The following KSR2 variants were observed in gnomAD, a reference collection of about 807,000 sequenced individuals.
KSR2 encodes the protein kinase suppressor of ras 2.
KSR2 carries 25 observed loss-of-function variants against 107.8 expected under a neutral mutation model. That is an observed-to-expected ratio of 0.23 (90% CI 0.17 to 0.32). KSR2 has a LOEUF of 0.32. Among genes scored for constraint, KSR2 ranks in the 10% least tolerant of loss-of-function variants. KSR2 has a pLI of 1.00. For synonymous variants in KSR2, 480 were observed against 507.0 expected (o/e 0.95, Z 0.71); for missense variants, 887 against 1,268.9 (o/e 0.70, Z 4.57).
intron 4 of KSR2, among the ~76,000 whole-genome samples, chr12:117,701,495 A>G (rs578184853): frequency 2.0e-5 from 3 of 152,306 alleles, no homozygotes; most frequent in African/African-American, 7.2e-5. Context: ...ATTCTTTAGC[A>G]TCATCTCTGT....
intron 1 of KSR2, among the ~76,000 whole-genome samples, chr12:117,887,552 A>G (rs370024944): frequency 6.6e-6 from 1 of 152,298 alleles, no homozygotes. Flanking sequence ...CAGTCCTGAG[A>G]ATCCAGTGTT....
chr12:117,520,546 C>T (rs77958787), intron 14 of KSR2, among the ~76,000 whole-genome samples: 1,930 of 152,316 alleles, frequency 0.013, 37 homozygotes, highest in African/African-American at 0.044. Flanking sequence ...GGGGTGAAAG[C>T]AAGGACACTG....
intron 4 of KSR2, among the ~76,000 whole-genome samples, chr12:117,738,649 C>T (rs911245214): frequency 3.9e-5 from 6 of 151,942 alleles, no homozygotes; most frequent in African/African-American, 1.2e-4. Flanking sequence ...CTGAGGCGGG[C>T]GGATTACTTG....
intron 1 of KSR2, among the ~76,000 whole-genome samples, chr12:117,876,076 G>C (rs999293049): frequency 6.6e-6 from 1 of 152,180 alleles, no homozygotes; most frequent in African/African-American, 2.4e-5. Flanking sequence ...CTGCAGGACC[G>C]GGTCCCTGGT....
At chr12:117,710,771 A>T (rs751410212) in intron 4 of KSR2, among the ~76,000 whole-genome samples, 5 of 152,174 alleles carry the variant, frequency 3.3e-5, no homozygotes, top group Non-Finnish European at 5.9e-5. Context: ...CATGATGGTG[A>T]TATTTTTTTA....
intron 5 of KSR2, among the ~76,000 whole-genome samples, chr12:117,589,508 T>C (rs917786176): frequency 7.9e-5 from 12 of 152,174 alleles, no homozygotes; most frequent in Non-Finnish European, 1.8e-4. Context: ...CCCAGGGACA[T>C]GACAGACTGA....
Position 117,622,952 on chromosome 12 carries a change from G to C in KSR2, c.1172-40593C>G, listed in dbSNP as rs557836713. On this transcript the variant is annotated intron_variant, in intron 5 of 19. Transcript: ENST00000339824. ...CTAAAATTATAGCATATTGAGGTAG[G>C]CATGCACTCCAATGGAGGAAGTTTA... Among the ~76,000 whole-genome samples, 5 of 152,310 alleles carry C rather than the reference G, an allele frequency of 3.3e-5. No individual in the cohort carries two copies. The East Asian group carries it at 9.7e-4, about 29-fold the overall frequency.
In KSR2 at chr12:117,465,819, A is replaced by T. The variant is rs1296311149; in HGVS notation, c.*1380T>A. ...AGATTTCCCTTTTGTATCAGGTCAC[A>T]TGCAGGGGGTCAGGGCTTTGAAAAC... is the stretch of plus-strand genomic sequence containing the variant. On this transcript the variant is annotated 3_prime_UTR_variant, in exon 20 of 20. Coordinates refer to ENST00000339824, the MANE Select transcript of KSR2 (RefSeq NM_173598.6). 1 of 133,272 alleles carries T rather than the reference A, an allele frequency of 7.5e-6. No homozygotes were observed. Among genetic ancestry groups the T allele is most frequent in the Non-Finnish European group, 1.7e-5 (1 of 59,058 alleles). 8.3% of individuals were successfully genotyped at this position (133,272 alleles called of 1,614,324 possible). A position where few individuals can be genotyped will look rare whatever the true frequency, so the allele number is the denominator to read the frequency against.
intron 1 of KSR2, among the ~76,000 whole-genome samples, chr12:117,945,448 G>A (rs539421885): frequency 2.7e-4 from 41 of 152,334 alleles, no homozygotes; most frequent in African/African-American, 9.4e-4. Flanking sequence ...GCCAAGGCAG[G>A]TGGATCACCT....
At chr12:117,751,381 CA>C (rs147698553) in intron 4 of KSR2, among the ~76,000 whole-genome samples, 1,581 of 152,282 alleles carry the variant, frequency 0.01, 26 homozygotes, top group African/African-American at 0.036. Flanking sequence ...CAAGGATTAA[CA>C]CAATCTTTTC....
At chr12:117,781,444 C>A (rs887556213) in intron 3 of KSR2, among the ~76,000 whole-genome samples, 6 of 152,104 alleles carry the variant, frequency 3.9e-5, no homozygotes, top group African/African-American at 1.4e-4. Context: ...AGGTAGAGTG[C>A]AGATGATGGG....
chr12:117,853,189 C>T (rs1892984884), intron 3 of KSR2, among the ~76,000 whole-genome samples: 1 of 152,170 alleles, frequency 6.6e-6, no homozygotes, highest in Non-Finnish European at 1.5e-5. Context: ...AGATAACACT[C>T]AGGGGTATTC....
chr12:117,765,020 C>T (rs2136887419), intron 3 of KSR2, among the ~76,000 whole-genome samples: 1 of 152,290 alleles, frequency 6.6e-6, no homozygotes, highest in East Asian at 1.9e-4. Context: ...TCAATATCTG[C>T]TATTTAAAGA....
At chr12:117,801,083 A>T (rs938890060) in intron 3 of KSR2, among the ~76,000 whole-genome samples, 1 of 152,130 alleles carries the variant, frequency 6.6e-6, no homozygotes, top group Admixed American at 6.6e-5. Flanking sequence ...CCTTTATACT[A>T]GAATGATTTA....
chr12:117,642,005 T>C (rs939600895), intron 5 of KSR2, among the ~76,000 whole-genome samples: 3 of 152,182 alleles, frequency 2.0e-5, no homozygotes, highest in Non-Finnish European at 4.4e-5. Flanking sequence ...CTGCCTTAAA[T>C]GCACTTCCAT....
Position 117,842,106 on chromosome 12 carries a change from C to T in KSR2, c.472+13322G>A, listed in dbSNP as rs1892510942. Among the ~76,000 whole-genome samples, 1 of 152,250 alleles carries T rather than the reference C, an allele frequency of 6.6e-6. No individual in the cohort carries two copies. The highest frequency in any genetic ancestry group is 1.9e-4 in the East Asian group (1 of 5,194). ...ACTTGTTAATGCAGATTTCTGGGCA[C>T]TGCCCCGGACTGGCTGAAGCAGGAA... is the stretch of plus-strand genomic sequence containing the variant. On this transcript the variant is annotated intron_variant, in intron 3 of 19. Coordinates refer to ENST00000339824, the MANE Select transcript of KSR2 (RefSeq NM_173598.6). The surrounding 1 kb of genome is among the most constrained non-coding windows in gnomAD (Gnocchi z 4.2).
chr12:117,957,867 T>C (rs1896560492), intron 1 of KSR2, among the ~76,000 whole-genome samples: 2 of 150,968 alleles, frequency 1.3e-5, no homozygotes, highest in South Asian at 4.2e-4. Context: ...AGTCTCACTC[T>C]GTTGCCCAGG....
At chr12:117,828,164 G>A (rs559570673) in intron 3 of KSR2, among the ~76,000 whole-genome samples, 37 of 152,230 alleles carry the variant, frequency 2.4e-4, no homozygotes, top group Middle Eastern at 3.4e-3. Flanking sequence ...CTTGTTCACC[G>A]CTGCGTCCCC....
intron 7 of KSR2, among the ~76,000 whole-genome samples, chr12:117,575,950 G>C (rs927810884): frequency 1.3e-5 from 2 of 152,178 alleles, no homozygotes; most frequent in Admixed American, 6.5e-5. Flanking sequence ...TCACACAAGA[G>C]TTTAGTAATG....
Sources: gnomAD v4.1 joint callset for allele counts (sites outside exome capture counted in the v4.1 genomes callset) on GRCh38, gnomAD v4.1.1 for gene constraint, Gnocchi (gnomAD v3.1) non-coding constraint, MANE v1.5 for transcripts, NCBI Gene and HGNC (gene_info 2026-07-23, HGNC 2026-07-21) for gene names.